ADK: variants seen among roughly 807,000 people sequenced by gnomAD.
The protein encoded by ADK is adenosine kinase, also known as N6,N6-dimethyladenosine kinase.
ADK carries 24 observed loss-of-function variants against 44.7 expected under a neutral mutation model. That is an observed-to-expected ratio of 0.54 (90% CI 0.39 to 0.76). ADK has a LOEUF of 0.76. Among genes scored for constraint, ADK ranks in the 30% least tolerant of loss-of-function variants. ADK has a pLI of 0.00. For missense variants in ADK, 321 were observed against 425.1 expected, an observed-to-expected ratio of 0.76 and a Z score of 2.15; for synonymous variants, 128 against 142.6, an observed-to-expected ratio of 0.90 and a Z score of 0.73.
At chr10:74,205,315 ACT>A (rs1308768901) in intron 2 of ADK, among the ~76,000 whole-genome samples, 1 of 152,068 alleles carries the variant, frequency 6.6e-6, no homozygotes, top group African/African-American at 2.4e-5. Context: ...CCACATTATC[ACT>A]CTGTGTATCA....
intron 10 of ADK, among the ~76,000 whole-genome samples, chr10:74,706,654 AT>A (rs1856612657): frequency 6.6e-6 from 1 of 152,208 alleles, no homozygotes; most frequent in South Asian, 2.1e-4. Context: ...TCTATAATAA[AT>A]TTTGAAATCA....
chr10:74,175,288 G>A (rs1285163330), intron 1 of ADK, among the ~76,000 whole-genome samples: 3 of 151,324 alleles, frequency 2.0e-5, no homozygotes, highest in African/African-American at 7.3e-5. Context: ...GGAGCCTGAG[G>A]CACAAGAATC....
intron 7 of ADK, among the ~76,000 whole-genome samples, chr10:74,561,838 C>T (rs929428681): frequency 2.0e-5 from 3 of 152,196 alleles, no homozygotes; most frequent in African/African-American, 7.2e-5. Flanking sequence ...TAGAGTCCCT[C>T]AGCTCAGGGA....
chr10:74,397,450 A>G lies in ADK; in HGVS notation c.447-1021A>G, dbSNP rs559117284. 2.0e-4 allele frequency among the ~76,000 whole-genome samples: 31 copies of G among 152,168 alleles called. 1 individual carries two copies. The South Asian group carries it at 6.2e-3, about 31-fold the overall frequency. ...AAATTCTGGAGCAGTATGAGGAAGG[A>G]AAGTATTTTTATTTATAATGTAAAT... is the stretch of plus-strand genomic sequence containing the variant. On this transcript the variant is annotated intron_variant, in intron 5 of 10. Coordinates refer to ENST00000539909, the MANE Select transcript of ADK (RefSeq NM_006721.4).
chr10:74,326,287 G>A (rs1841006757), intron 4 of ADK, among the ~76,000 whole-genome samples: 1 of 152,138 alleles, frequency 6.6e-6, no homozygotes. Flanking sequence ...AATTTGAGAA[G>A]AATTCGTATT....
chr10:74,530,933 G>C (rs950809677), intron 7 of ADK, among the ~76,000 whole-genome samples: 2 of 152,122 alleles, frequency 1.3e-5, no homozygotes, highest in African/African-American at 4.8e-5. Context: ...AAAGAAAAAA[G>C]AAGGGTATCT....
intron 1 of ADK, among the ~76,000 whole-genome samples, chr10:74,179,859 T>A (rs1384268330): frequency 6.6e-6 from 1 of 152,226 alleles, no homozygotes; most frequent in African/African-American, 2.4e-5. Flanking sequence ...TGCCTTGAAT[T>A]CTTTCTTGCA....
intron 4 of ADK, among the ~76,000 whole-genome samples, chr10:74,367,675 G>A (rs1238876757): frequency 6.6e-6 from 1 of 152,134 alleles, no homozygotes; most frequent in Admixed American, 6.5e-5. Flanking sequence ...TCCTCTCTGA[G>A]GTCAAAGAAG....
chr10:74,436,706 GA>G (rs1845189953), intron 6 of ADK, among the ~76,000 whole-genome samples: 1 of 152,130 alleles, frequency 6.6e-6, no homozygotes, highest in African/African-American at 2.4e-5. Flanking sequence ...CGTCAAAAGT[GA>G]AAAGTGGCCA....
intron 3 of ADK, among the ~76,000 whole-genome samples, chr10:74,278,156 C>T (rs1432568700): frequency 6.6e-6 from 1 of 151,622 alleles, no homozygotes; most frequent in African/African-American, 2.4e-5. Flanking sequence ...GAGTTTGAGA[C>T]CAGCCTGGGC....
chr10:74,320,461 T>G (rs1033937912), intron 4 of ADK, among the ~76,000 whole-genome samples: 2 of 152,202 alleles, frequency 1.3e-5, no homozygotes, highest in African/African-American at 4.8e-5. Context: ...GTTTATCATG[T>G]TTAGAGCTTA....
At position 74,300,117 on chromosome 10, in the gene ADK, CAT is replaced by C. The variant is rs549208663; in HGVS notation, c.195-14549_195-14548del. Among the ~76,000 whole-genome samples the C allele has an allele frequency of 4.1e-3, 623 of 151,312 alleles. 3 individuals carry two copies. The highest frequency in any genetic ancestry group is 0.014 in the African/African-American group (589 of 41,252). On this transcript the variant is annotated intron_variant, in intron 3 of 10. Transcript: ENST00000539909. ...CAGGTTGGTCTTGAACTCCTGGACT[CAT>C]GTGATCCTCCTGCCTCAAGCTCCCA...
intron 9 of ADK, among the ~76,000 whole-genome samples, chr10:74,636,788 C>T (rs1381513024): frequency 1.3e-5 from 2 of 152,104 alleles, no homozygotes; most frequent in Admixed American, 6.6e-5. Flanking sequence ...TAAGATTTAA[C>T]CTTACATGAG....
chr10:74,519,934 A>G (rs1848737767), intron 6 of ADK, among the ~76,000 whole-genome samples: 1 of 152,032 alleles, frequency 6.6e-6, no homozygotes. Context: ...AAATATTTAG[A>G]TAATACTTCC....
chr10:74,455,147 A>G (rs1281129125), intron 6 of ADK, among the ~76,000 whole-genome samples: 4 of 152,162 alleles, frequency 2.6e-5, no homozygotes, highest in East Asian at 1.9e-4. Flanking sequence ...AAATGAGACA[A>G]TATGTATAAA....
intron 6 of ADK, among the ~76,000 whole-genome samples, chr10:74,512,043 T>C (rs1848353631): frequency 6.6e-6 from 1 of 152,208 alleles, no homozygotes; most frequent in African/African-American, 2.4e-5. Context: ...CATTTTCTGC[T>C]TTTCATTGAG....
rs575863161 is a variant in ADK, at chr10:74,698,341, C to T, written c.965-9980C>T. On this transcript the variant is annotated intron_variant, in intron 10 of 10. Transcript: ENST00000539909. The stretch of plus-strand genomic sequence containing the variant: ...TGGTGTAATGCCTCCTATGCCTGCT[C>T]TCTTGGCTGTGTTGAAAAGCATACA... Among the ~76,000 whole-genome samples, 30 of 152,350 alleles carry T rather than the reference C, an allele frequency of 2.0e-4. 1 individual carries two copies. The South Asian group carries it at 6.0e-3, about 31-fold the overall frequency.
At chr10:74,486,621 C>G (rs923675501) in intron 6 of ADK, among the ~76,000 whole-genome samples, 1 of 152,076 alleles carries the variant, frequency 6.6e-6, no homozygotes, top group African/African-American at 2.4e-5. Flanking sequence ...GGATTATGGC[C>G]TCTGAGGCTA....
At chr10:74,575,412 CT>C (rs1851149473) in intron 7 of ADK, among the ~76,000 whole-genome samples, 1 of 152,132 alleles carries the variant, frequency 6.6e-6, no homozygotes. Context: ...CAGAAAGCCA[CT>C]CCTGGAGGTA....
Sources: allele counts gnomAD v4.1 joint callset (sites outside exome capture counted in the v4.1 genomes callset), GRCh38; gene constraint gnomAD v4.1.1; transcripts MANE v1.5; gene names NCBI Gene and HGNC (gene_info 2026-07-23, HGNC 2026-07-21).